CLASP2: variants seen among roughly 807,000 people sequenced by gnomAD.
CLASP2 encodes the protein CLIP-associating protein 2.
CLASP2 carries 47 observed loss-of-function variants against 194.4 expected under a neutral mutation model. The observed-to-expected ratio is 0.24, with a 90% CI of 0.19 to 0.31. The LOEUF (loss-of-function observed/expected upper bound fraction) is 0.31, where lower values mean the gene tolerates loss of function less well. Among genes scored for constraint, CLASP2 ranks in the 10% least tolerant of loss-of-function variants. The probability of loss-of-function intolerance (pLI) is 1.00; values close to 1 mark genes in which losing one functional copy is unlikely to be tolerated. For missense variants in CLASP2, 1,445 were observed against 1,823.6 expected (o/e 0.79, Z 3.78); for synonymous variants, 619 against 633.5 (o/e 0.98, Z 0.34).
chr3:33,646,207 AT>A (rs1277941566), intron 7 of CLASP2, among the ~76,000 whole-genome samples: 1 of 151,494 alleles, frequency 6.6e-6, no homozygotes, highest in Non-Finnish European at 1.5e-5. Flanking sequence ...AAAAATAACT[AT>A]TTTTAATATA....
At chr3:33,637,140 A>C (rs2080300595) in intron 8 of CLASP2, among the ~76,000 whole-genome samples, 1 of 152,234 alleles carries the variant, frequency 6.6e-6, no homozygotes, top group African/African-American at 2.4e-5. Flanking sequence ...AATGAGACAA[A>C]TACAGAACAC....
At chr3:33,534,537 A>G (rs2056971460) in intron 34 of CLASP2, among the ~76,000 whole-genome samples, 1 of 152,228 alleles carries the variant, frequency 6.6e-6, no homozygotes, top group African/African-American at 2.4e-5. Flanking sequence ...ACTACATTCC[A>G]GACTGGGCAA....
intron 22 of CLASP2, among the ~76,000 whole-genome samples, chr3:33,583,284 C>G (rs917859465): frequency 1.3e-5 from 2 of 152,124 alleles, no homozygotes; most frequent in Non-Finnish European, 2.9e-5. Flanking sequence ...TAGTCACTTT[C>G]TATATACACA....
chr3:33,545,047 G>T (rs551573895), intron 30 of CLASP2: 32 of 391,042 alleles, frequency 8.2e-5, no homozygotes, highest in Non-Finnish European at 1.3e-4. Flanking sequence ...AGGTAAGAAG[G>T]GAATATGAAA....
intron 27 of CLASP2, 88 bp from the exon 28 acceptor site, chr3:33,561,059 A>G: frequency 2.5e-6 from 3 of 1,194,670 alleles, no homozygotes; most frequent in Non-Finnish European, 3.5e-6. Flanking sequence ...AGAAAGGAAC[A>G]CAGGAATCAG....
chr3:33,510,835 T>G, intron 36 of CLASP2, 71 bp from the exon 37 acceptor site: 1 of 1,301,638 alleles, frequency 7.7e-7, no homozygotes, highest in Non-Finnish European at 1.1e-6. Flanking sequence ...AAGTATAAAC[T>G]TCATGAAGTA....
At position 33,559,290 on chromosome 3, in the gene CLASP2, A is replaced by G. The variant is rs752721718; in HGVS notation, c.3009+17T>C. ...TTCAATTCTTTATAATGTCTTCAAA[A>G]GATCTCAAAGTTTTACCTTTAAGCT... On this transcript the variant is annotated intron_variant, in intron 29 of 38. Coordinates refer to ENST00000682230, the MANE Select transcript of CLASP2 (RefSeq NM_001365631.1). 3.5e-6 allele frequency: 5 copies of G among 1,428,574 alleles called. No individual in the cohort carries two copies. The allele number at this position is 1,428,574 out of a possible 1,614,324, so 88.5% of individuals were successfully genotyped here.
intron 19 of CLASP2, among the ~76,000 whole-genome samples, chr3:33,595,599 TAC>T (rs1320440569): frequency 6.6e-6 from 1 of 152,082 alleles, no homozygotes; most frequent in African/African-American, 2.4e-5. Context: ...CGCAATAATA[TAC>T]GTCTGTGTAT....
rs542719396 is a variant in CLASP2, at chr3:33,512,017, G to C, written c.4111-1253C>G. ...AGTGTGGCGATTCCTCAGGGATCTA[G>C]AACTAGAAATACCATTTGACCCAGC... is the stretch of plus-strand genomic sequence containing the variant. On this transcript the variant is annotated intron_variant, in intron 36 of 38. Coordinates refer to ENST00000682230, the MANE Select transcript of CLASP2 (RefSeq NM_001365631.1). 2.0e-3 allele frequency among the ~76,000 whole-genome samples: 47 copies of C among 23,536 alleles called. 1 individual carries two copies. The highest frequency in any genetic ancestry group is 3.7e-3 in the African/African-American group (21 of 5,664). The allele number at this position is 23,536 out of a possible 152,430, so 15.4% of individuals were successfully genotyped here. A position where few individuals can be genotyped will look rare whatever the true frequency, so the allele number is the denominator to read the frequency against.
intron 37 of CLASP2, 119 bp downstream of exon 37, chr3:33,510,439 A>G: frequency 1.1e-6 from 1 of 905,368 alleles, no homozygotes; most frequent in Admixed American, 2.3e-5. Context: ...TTTGTCCTGA[A>G]TATTGCAGAC....
chr3:33,594,669 A>G (rs1171521587), intron 20 of CLASP2, among the ~76,000 whole-genome samples: 1 of 151,720 alleles, frequency 6.6e-6, no homozygotes, highest in African/African-American at 2.4e-5. Flanking sequence ...AATGAATTAT[A>G]TGCTTACTTC....
chr3:33,535,175 A>T, intron 34 of CLASP2, 58 bp downstream of exon 34: 1 of 1,171,846 alleles, frequency 8.5e-7, no homozygotes, highest in Non-Finnish European at 1.2e-6. Context: ...CATTTCTTTT[A>T]CTTCATCAAT....
chr3:33,566,781 G>GA (rs750368011), intron 26 of CLASP2, 47 bp from the exon 27 acceptor site: 32 of 415,672 alleles, frequency 7.7e-5, no homozygotes, highest in Non-Finnish European at 8.6e-5. Context: ...AAGAAAAAAA[G>GA]AAAAAAAAGA....
In CLASP2 at chr3:33,580,811, C is replaced by T. The variant is rs1448464540; in HGVS notation, c.2347+1010G>A. On this transcript the variant is annotated intron_variant, in intron 23 of 38. Coordinates refer to ENST00000682230, the MANE Select transcript of CLASP2 (RefSeq NM_001365631.1). ...CGGGCGGATCATGAGGTCAGGAGAT[C>T]GAGACCATCCTGGCTAACACGGTGA... 5.9e-5 allele frequency among the ~76,000 whole-genome samples: 9 copies of T among 151,708 alleles called. No homozygotes were observed. The East Asian group carries it at 7.8e-4, about 13-fold the overall frequency.
At chr3:33,549,208 C>G (rs2059620545) in intron 30 of CLASP2, among the ~76,000 whole-genome samples, 1 of 152,158 alleles carries the variant, frequency 6.6e-6, no homozygotes, top group Admixed American at 6.5e-5. Context: ...ACTGGTTTTC[C>G]CAGTCTCTAT....
At chr3:33,621,607 C>T (rs537664770) in intron 11 of CLASP2, among the ~76,000 whole-genome samples, 9 of 151,992 alleles carry the variant, frequency 5.9e-5, no homozygotes, top group Non-Finnish European at 8.8e-5. Flanking sequence ...AGAAATATTG[C>T]TAGTAGGCAC....
At chr3:33,654,575 A>C (rs1419244152) in intron 7 of CLASP2, among the ~76,000 whole-genome samples, 3 of 152,150 alleles carry the variant, frequency 2.0e-5, no homozygotes, top group Admixed American at 6.5e-5. Context: ...CTTACGAAAA[A>C]ATAATAGGAG....
At chr3:33,666,393 C>G (rs1173072094) in intron 6 of CLASP2, among the ~76,000 whole-genome samples, 1 of 152,222 alleles carries the variant, frequency 6.6e-6, no homozygotes. Context: ...AAACACTAAT[C>G]TACTTCCTTT....
intron 12 of CLASP2, among the ~76,000 whole-genome samples, chr3:33,616,790 T>G (rs2076254451): frequency 7.1e-6 from 1 of 141,550 alleles, no homozygotes; most frequent in Non-Finnish European, 1.5e-5. Flanking sequence ...CAGGCTGGAG[T>G]GCAGTGGCGT....
Sources: gnomAD v4.1 joint callset for allele counts (sites outside exome capture counted in the v4.1 genomes callset) on GRCh38, gnomAD v4.1.1 for gene constraint, MANE v1.5 for transcripts, NCBI Gene and HGNC (gene_info 2026-07-23, HGNC 2026-07-21) for gene names.